The following CDH13 variants were observed in gnomAD, a reference collection of about 807,000 sequenced individuals.
The protein encoded by CDH13 is cadherin 13.
CDH13 carries 24 observed loss-of-function variants against 63.8 expected under a neutral mutation model. The observed-to-expected ratio is 0.38, with a 90% CI of 0.27 to 0.53. CDH13 has a LOEUF of 0.53. Among genes scored for constraint, CDH13 ranks in the 20% least tolerant of loss-of-function variants. The pLI is 0.85. For missense variants in CDH13, 1,049 were observed against 903.1 expected (o/e 1.16, Z -2.07); for synonymous variants, 503 against 355.3 (o/e 1.42, Z -4.67).
intron 2 of CDH13, among the ~76,000 whole-genome samples, chr16:82,877,924 G>GACACACACACACACACACACACAC: frequency 7.7e-6 from 1 of 129,364 alleles, no homozygotes; most frequent in African/African-American, 2.8e-5. Flanking sequence ...CATACACATA[G>GACACACACACACACACACACACAC]ACACACACAC....
intron 1 of CDH13, among the ~76,000 whole-genome samples, chr16:82,850,337 G>T (rs1360742126): frequency 6.6e-6 from 1 of 152,228 alleles, no homozygotes; most frequent in African/African-American, 2.4e-5. Context: ...AAGTGCAGAA[G>T]TGGTCGAAAT....
At chr16:82,820,256 G>A (rs1361545895) in intron 1 of CDH13, among the ~76,000 whole-genome samples, 1 of 152,196 alleles carries the variant, frequency 6.6e-6, no homozygotes, top group Non-Finnish European at 1.5e-5. Context: ...ACCAAGCACA[G>A]AGACTGGCAC....
At chr16:83,381,481 C>G (rs528849004) in intron 6 of CDH13, among the ~76,000 whole-genome samples, 67 of 152,094 alleles carry the variant, frequency 4.4e-4, no homozygotes, top group African/African-American at 1.6e-3. Flanking sequence ...CAGCAAGAAC[C>G]CTCAAAGCCC....
chr16:82,677,242 C>T lies in CDH13; in HGVS notation c.45+50105C>T, dbSNP rs150260020. On this transcript the variant is annotated intron_variant, in intron 1 of 13. Transcript: ENST00000567109. The stretch of plus-strand genomic sequence containing the variant: ...GAAAGGTAATGCAGACTCATTCATC[C>T]TTTGTATTTCAGGTCTATTGCCACT... Among the ~76,000 whole-genome samples, 7 of 152,288 alleles carry T rather than the reference C, an allele frequency of 4.6e-5. No homozygotes were observed. The East Asian group carries it at 1.4e-3, about 29-fold the overall frequency.
At chr16:83,339,321 T>G (rs543431695) in intron 5 of CDH13, among the ~76,000 whole-genome samples, 3 of 152,194 alleles carry the variant, frequency 2.0e-5, no homozygotes, top group Non-Finnish European at 4.4e-5. Flanking sequence ...TTATCATACT[T>G]TCTGGTTGCT....
intron 7 of CDH13, among the ~76,000 whole-genome samples, chr16:83,537,286 C>G (rs1437217799): frequency 2.6e-5 from 4 of 152,190 alleles, no homozygotes; most frequent in South Asian, 2.1e-4. Context: ...CCAACTGGGA[C>G]AATGAATTGG....
At chr16:83,305,605 C>G (rs922864808) in intron 5 of CDH13, among the ~76,000 whole-genome samples, 3 of 152,146 alleles carry the variant, frequency 2.0e-5, no homozygotes, top group Non-Finnish European at 4.4e-5. Flanking sequence ...CACGTAGCAG[C>G]TATAACCTTG....
At chr16:83,777,511 A>G (rs1915206316) in intron 11 of CDH13, among the ~76,000 whole-genome samples, 1 of 152,334 alleles carries the variant, frequency 6.6e-6, no homozygotes, top group East Asian at 1.9e-4. Flanking sequence ...TGCCCCTCTC[A>G]GGACACAGCT....
At chr16:83,563,879 T>G (rs1310749224) in intron 7 of CDH13, among the ~76,000 whole-genome samples, 2 of 152,184 alleles carry the variant, frequency 1.3e-5, no homozygotes, top group African/African-American at 2.4e-5. Flanking sequence ...ATGGGTCGTT[T>G]TGTTTATTCC....
At chr16:83,257,444 T>C in intron 5 of CDH13, among the ~76,000 whole-genome samples, 1 of 152,164 alleles carries the variant, frequency 6.6e-6, no homozygotes, top group Non-Finnish European at 1.5e-5. Context: ...AGCTTTTAGG[T>C]TTCTTTCTTT....
chr16:83,621,616 AG>A (rs1303809173), intron 8 of CDH13, among the ~76,000 whole-genome samples: 16 of 149,660 alleles, frequency 1.1e-4, no homozygotes, highest in Admixed American at 4.0e-4. Context: ...CCTCCTGAGT[AG>A]CTGGAATTAC....
At chr16:82,856,410 G>C (rs1490163890) in intron 1 of CDH13, among the ~76,000 whole-genome samples, 1 of 107,932 alleles carries the variant, frequency 9.3e-6, no homozygotes, top group Non-Finnish European at 2.1e-5. Context: ...GAAAAGAAAA[G>C]AAAAATACTA....
rs147478920 is a variant in CDH13, at chr16:82,794,254, C to T, written c.46-64108C>T. ...TTGCCAAAGATCATTCTTCTTCTTC[C>T]ACTGTGGCCCAGGGAAGCCAAAAAT... is the stretch of plus-strand genomic sequence containing the variant. On this transcript the variant is annotated intron_variant, in intron 1 of 13. Transcript: ENST00000567109. Among the ~76,000 whole-genome samples, 122 of 150,712 alleles carry T rather than the reference C, an allele frequency of 8.1e-4. 2 individuals carry two copies. In the Middle Eastern group the frequency reaches 0.014, roughly 17 times the overall value.
At position 82,658,385 on chromosome 16, in the gene CDH13, A is replaced by G. The variant is rs558804134; in HGVS notation, c.45+31248A>G. On this transcript the variant is annotated intron_variant, in intron 1 of 13. Coordinates refer to ENST00000567109, the MANE Select transcript of CDH13 (RefSeq NM_001257.5). ...TAGCTGTCCCATTTATGTGCTGGAT[A>G]ACATCAATTGATTCTTAAATGTTCA... Among the ~76,000 whole-genome samples, 25 of 152,332 alleles carry G rather than the reference A, an allele frequency of 1.6e-4. No homozygotes were observed. In the South Asian group the frequency reaches 5.0e-3, roughly 30 times the overall value.
chr16:82,972,256 C>T (rs190806942), intron 2 of CDH13, among the ~76,000 whole-genome samples: 106 of 152,244 alleles, frequency 7.0e-4, no homozygotes, highest in African/African-American at 2.2e-3. Context: ...TATAGAGAAA[C>T]GGCCTGGGCA....
At chr16:82,874,373 A>T (rs2040437442) in intron 2 of CDH13, among the ~76,000 whole-genome samples, 1 of 152,084 alleles carries the variant, frequency 6.6e-6, no homozygotes, top group Admixed American at 6.5e-5. Context: ...GGAGCAGCAG[A>T]GTGTGGTGGC....
rs189946371 is a variant in CDH13 at position 83,492,617 on chromosome 16, C to G, written c.960+5962C>G. Among the ~76,000 whole-genome samples the G allele has an allele frequency of 1.9e-3, 292 of 152,294 alleles. 2 individuals carry two copies. Among genetic ancestry groups the G allele is most frequent in the African/African-American group, 4.7e-3 (197 of 41,564 alleles). Reference sequence around the variant, plus strand: ...ATGAAACACAGCTAACCACCCTATGCTAATTGCACTTGCTCCGTTGTTTCA... The same window carrying G: ...ATGAAACACAGCTAACCACCCTATGGTAATTGCACTTGCTCCGTTGTTTCA... On this transcript the variant is annotated intron_variant, in intron 7 of 13. Transcript: ENST00000567109.
chr16:83,482,923 G>A (rs2073805403), intron 6 of CDH13, among the ~76,000 whole-genome samples: 1 of 152,144 alleles, frequency 6.6e-6, no homozygotes, highest in Non-Finnish European at 1.5e-5. Context: ...TGAGGCCTTT[G>A]CCTGCACTGC....
chr16:83,723,306 G>A (rs763559324), intron 10 of CDH13, among the ~76,000 whole-genome samples: 1 of 152,178 alleles, frequency 6.6e-6, no homozygotes, highest in Non-Finnish European at 1.5e-5. Context: ...CACATATAGA[G>A]AAGTAAAAGC....
Sources: gnomAD v4.1 joint callset for allele counts (sites outside exome capture counted in the v4.1 genomes callset) on GRCh38, gnomAD v4.1.1 for gene constraint, MANE v1.5 for transcripts, NCBI Gene and HGNC (gene_info 2026-07-23, HGNC 2026-07-21) for gene names.